Variants in ORC3 observed in about 807,000 individuals in gnomAD.
The protein encoded by ORC3 is homolog of latheo, Drosophila.
ORC3 carries 78 observed loss-of-function variants against 100.7 expected under a neutral mutation model. The ratio of observed to expected loss-of-function variants is 0.77; its 90% CI spans 0.65 to 0.94. The LOEUF is 0.94. Among genes scored for constraint, ORC3 ranks in the 40% least tolerant of loss-of-function variants. ORC3 has a pLI of 0.00. For missense variants in ORC3, 789 were observed against 823.9 expected (o/e 0.96, Z 0.52); for synonymous variants, 295 against 289.3 (o/e 1.02, Z -0.20).
intron 7 of ORC3, among the ~76,000 whole-genome samples, chr6:87,610,934 CTTTTTTTTTTTT>C (rs67349945): frequency 1.9e-5 from 2 of 106,788 alleles, no homozygotes; most frequent in Non-Finnish European, 3.6e-5. Flanking sequence ...TAGGACTTTT[CTTTTTTTTTTTT>C]TTTTTTTTGA....
At chr6:87,664,431 AT>A (rs1275411667) in intron 17 of ORC3, among the ~76,000 whole-genome samples, 1 of 152,228 alleles carries the variant, frequency 6.6e-6, no homozygotes, top group Non-Finnish European at 1.5e-5. Flanking sequence ...ATTCCTAAAG[AT>A]TTCCATAAAC....
rs1778118544 is a variant in ORC3, at chr6:87,603,497, CAG to C, written c.295_296del (p.Glu99AsnfsTer16). 1.3e-6 allele frequency: 2 copies of C among 1,522,070 alleles called. No individual in the cohort carries two copies. The highest frequency in any genetic ancestry group is 2.7e-5 in the African/African-American group (2 of 73,982). The allele number at this position is 1,522,070 out of a possible 1,614,324, so 94.3% of individuals were successfully genotyped here. On this transcript the variant is annotated frameshift_variant, in exon 4 of 20. Transcript: ENST00000392844. LOFTEE classifies it high-confidence loss of function. ...SRDLGGQIKL[R>X]EIPTAALVLG... ...GAGACTTGGGCGGTCAAATAAAACTCAGAGAAATTCCAACTGCTGCTCTTGTT... is the reference window on the plus strand; with the variant it reads ...GAGACTTGGGCGGTCAAATAAAACTCAGAAATTCCAACTGCTGCTCTTGTT...
At chr6:87,607,981 C>T (rs1031515101) in intron 6 of ORC3, among the ~76,000 whole-genome samples, 157 bp downstream of exon 6, 17 of 152,120 alleles carry the variant, frequency 1.1e-4, no homozygotes, top group African/African-American at 4.1e-4. Flanking sequence ...TAATGCTACT[C>T]GAATTTTAAA....
At chr6:87,612,301 A>G in intron 8 of ORC3, 53 bp downstream of exon 8, 2 of 1,284,828 alleles carry the variant, frequency 1.6e-6, no homozygotes, top group East Asian at 2.4e-5. Flanking sequence ...AACTGCCAAT[A>G]ATAGATTGTT....
In ORC3 at chr6:87,621,429, A is replaced by G. The variant is rs200762592; in HGVS notation, c.1063A>G (p.Ile355Val). Reference sequence around the variant, plus strand: ...TAATCTTCCAGAAGCCAAAAGAAGAATAAATTTTTTATCAAATAATCAATG... The same window carrying G: ...TAATCTTCCAGAAGCCAAAAGAAGAGTAAATTTTTTATCAAATAATCAATG... ...CCNLPEAKRR[I>V]NFLSNNQCEN... The change falls in exon 10 of 20, where the codon ATA (isoleucine) becomes GTA (valine). Residue 355 changes from isoleucine (I) to valine (V), a missense_variant. Ile to Val is a conservative substitution (Grantham distance 29). Around this residue, in one of 3 missense-constraint regions of ORC3, gnomAD observed 24 missense variants for 47.7 expected, o/e 0.50. Transcript: ENST00000392844. 3 of 1,603,360 alleles carry G rather than the reference A, an allele frequency of 1.9e-6. No individual in the cohort carries two copies. The African/African-American group carries it at 4.0e-5, about 22-fold the overall frequency.
At chr6:87,611,015 C>T (rs1451178492) in intron 7 of ORC3, among the ~76,000 whole-genome samples, 1 of 147,226 alleles carries the variant, frequency 6.8e-6, no homozygotes, top group East Asian at 2.0e-4. Context: ...TGGCTCACTG[C>T]ACCCTCCACC....
At chr6:87,641,621 A>G (rs977126648) in intron 13 of ORC3, among the ~76,000 whole-genome samples, 2 of 152,196 alleles carry the variant, frequency 1.3e-5, no homozygotes, top group East Asian at 1.9e-4. Context: ...CAGACTTACA[A>G]ATCGAAGGTG....
At chr6:87,610,078 G>A (rs1778631604) in intron 7 of ORC3, among the ~76,000 whole-genome samples, 2 of 152,084 alleles carry the variant, frequency 1.3e-5, no homozygotes, top group Admixed American at 6.5e-5. Flanking sequence ...CCAGTGACAT[G>A]CATTTTCCCT....
chr6:87,651,740 T>C (rs1395493694), intron 13 of ORC3, among the ~76,000 whole-genome samples: 5 of 152,156 alleles, frequency 3.3e-5, no homozygotes, highest in Non-Finnish European at 5.9e-5. Flanking sequence ...AATTTCTCAG[T>C]AATCATAGTC....
In ORC3 at chr6:87,603,384, C is replaced by T. The variant is rs780488879; in HGVS notation, c.178C>T (p.Arg60Ter). The T allele has an allele frequency of 4.9e-6, 7 of 1,434,182 alleles. No individual in the cohort carries two copies. The highest frequency in any genetic ancestry group is 1.8e-5 in the Admixed American group (1 of 54,484). 88.8% of individuals were successfully genotyped at this position (1,434,182 alleles called of 1,614,324 possible). ...IWQQMKSENERLQEELNKNLF... is the reference protein window; with the variant it reads ...IWQQMKSENE ...ATAAGTTTTTGTGTGTTCTTTGTAGCGACTACAAGAGGAATTAAATAAAAA... is the reference window on the plus strand; with the variant it reads ...ATAAGTTTTTGTGTGTTCTTTGTAGTGACTACAAGAGGAATTAAATAAAAA... The change falls in exon 4 of 20, where the codon CGA (arginine) becomes TGA (stop). Residue 60 changes from arginine to a stop codon, truncating the protein, a stop_gained and splice_region_variant. Transcript: ENST00000392844. LOFTEE classifies it high-confidence loss of function.
intron 5 of ORC3, among the ~76,000 whole-genome samples, chr6:87,606,436 C>G (rs146358009): frequency 2.6e-5 from 4 of 152,218 alleles, no homozygotes; most frequent in Non-Finnish European, 2.9e-5. Flanking sequence ...CTTTGAAAAG[C>G]CACCATGGTG....
rs747385954 is a variant in ORC3, at chr6:87,622,024, G to A, written c.1185+11G>A. On this transcript the variant is annotated intron_variant, in intron 11 of 19. Coordinates refer to ENST00000392844, the MANE Select transcript of ORC3 (RefSeq NM_012381.4). The stretch of plus-strand genomic sequence containing the variant: ...GAGAGATATTTGAAGGTAGGAATGT[G>A]AATGTGTTTCAGTTTCATTCTCTTT... 5.9e-5 allele frequency: 92 copies of A among 1,570,022 alleles called. 3 individuals carry two copies. The highest frequency in any genetic ancestry group is 5.2e-5 in the Non-Finnish European group (60 of 1,143,388).
chr6:87,656,306 G>A (rs1258462673), intron 14 of ORC3, among the ~76,000 whole-genome samples: 2 of 152,156 alleles, frequency 1.3e-5, no homozygotes, highest in Admixed American at 6.5e-5. Flanking sequence ...ATTTGAGACT[G>A]GCTGGGCATG....
Position 87,601,823 on chromosome 6 carries a change from G to T in ORC3, c.119G>T (p.Ser40Ile). ...AAAGGGAAAAATGAGCCTGAGGACA[G>T]TAAGCTTCGATTCGAAACTTATCAG... ...FNKGKNEPED[S>I]KLRFETYQLI... is the part of the protein sequence containing the mutation. The change falls in exon 3 of 20, where the codon AGT becomes ATT. Residue 40 changes from serine (S) to isoleucine (I), a missense_variant. Ser to Ile is a moderately radical substitution (Grantham distance 142). Transcript: ENST00000392844. 6 of 1,611,416 alleles carry T rather than the reference G, an allele frequency of 3.7e-6. No homozygotes were observed. The highest frequency in any genetic ancestry group is 5.1e-6 in the Non-Finnish European group (6 of 1,177,534).
chr6:87,592,149 T>C (rs1777080804), intron 1 of ORC3, among the ~76,000 whole-genome samples: 1 of 152,234 alleles, frequency 6.6e-6, no homozygotes, highest in Non-Finnish European at 1.5e-5. Flanking sequence ...ACCATGTTAC[T>C]ACCACTGCCC....
At chr6:87,671,478 CCTAA>C (rs2128298797), downstream of ORC3, among the ~76,000 whole-genome samples, 1 of 151,962 alleles carries the variant, frequency 6.6e-6, no homozygotes, top group Admixed American at 6.6e-5. Context: ...CTACTAGATA[CCTAA>C]CTGAAGATGT....
intron 11 of ORC3, among the ~76,000 whole-genome samples, chr6:87,627,818 C>T (rs2128271984): frequency 6.6e-6 from 1 of 152,168 alleles, no homozygotes; most frequent in East Asian, 1.9e-4. Flanking sequence ...AACTGGAAAC[C>T]ACACTTCAAG....
chr6:87,658,066 C>A, intron 16 of ORC3, 48 bp downstream of exon 16: 1 of 968,570 alleles, frequency 1.0e-6, no homozygotes, highest in Non-Finnish European at 1.7e-6. Context: ...GCTGTTTTTC[C>A]AAATAACACT....
chr6:87,668,338 C>T (rs949312886), downstream of ORC3, among the ~76,000 whole-genome samples: 1 of 152,116 alleles, frequency 6.6e-6, no homozygotes, highest in African/African-American at 2.4e-5. Context: ...TTATGAGTAT[C>T]CATTATCCAA....
Sources: allele counts gnomAD v4.1 joint callset (sites outside exome capture counted in the v4.1 genomes callset), GRCh38; gene constraint gnomAD v4.1.1; regional missense constraint gnomAD v4.1.1; transcripts MANE v1.5; gene names NCBI Gene and HGNC (gene_info 2026-07-23, HGNC 2026-07-21).